The following SERPINI1 variants were observed in gnomAD, a reference collection of about 807,000 sequenced individuals.
The protein encoded by SERPINI1 is neuroserpin.
SERPINI1 carries 19 observed loss-of-function variants against 41.1 expected under a neutral mutation model. The observed-to-expected ratio is 0.46, with a 90% CI of 0.32 to 0.68. SERPINI1 has a LOEUF of 0.68. Ranked by LOEUF, SERPINI1 falls within the 30% of genes least tolerant of loss-of-function variation. SERPINI1 has a pLI of 0.03. For missense variants in SERPINI1, 460 were observed against 479.2 expected, an observed-to-expected ratio of 0.96 and a Z score of 0.37; for synonymous variants, 138 against 156.6, an observed-to-expected ratio of 0.88 and a Z score of 0.89.
intron 1 of SERPINI1, among the ~76,000 whole-genome samples, chr3:167,788,023 A>G (rs1445023793): frequency 2.0e-5 from 3 of 152,248 alleles, no homozygotes; most frequent in East Asian, 1.9e-4. Flanking sequence ...CATTTGCTCA[A>G]TATCACTTGA....
At chr3:167,753,148 G>C (rs1266439158) in intron 1 of SERPINI1, among the ~76,000 whole-genome samples, 2 of 152,018 alleles carry the variant, frequency 1.3e-5, no homozygotes, top group South Asian at 4.1e-4. Context: ...ATTGGATGTC[G>C]ATGCTTGAGG....
intron 5 of SERPINI1, among the ~76,000 whole-genome samples, chr3:167,802,007 G>C (rs889920020): frequency 2.0e-5 from 3 of 151,980 alleles, no homozygotes; most frequent in Non-Finnish European, 4.4e-5. Context: ...ACAAACCTGA[G>C]AAAAACAAGC....
intron 5 of SERPINI1, 25 bp from the exon 6 acceptor site, chr3:167,807,219 A>G (rs923196226): frequency 1.4e-6 from 2 of 1,470,840 alleles, no homozygotes; most frequent in African/African-American, 2.8e-5. Flanking sequence ...CTAACTAAAT[A>G]TTTTTCTCCC....
At chr3:167,748,940 TGAA>T (rs1725955537) in intron 1 of SERPINI1, among the ~76,000 whole-genome samples, 1 of 152,052 alleles carries the variant, frequency 6.6e-6, no homozygotes, top group African/African-American at 2.4e-5. Context: ...GAGAAACTGA[TGAA>T]GAGGAGTAAG....
At chr3:167,787,774 G>A (rs2108555435) in intron 1 of SERPINI1, among the ~76,000 whole-genome samples, 1 of 152,262 alleles carries the variant, frequency 6.6e-6, no homozygotes, top group South Asian at 2.1e-4. Flanking sequence ...GAGGACGTTG[G>A]AACTTTTCAG....
At chr3:167,823,335 A>AT (rs1209541047) in intron 7 of SERPINI1, among the ~76,000 whole-genome samples, 4 of 152,034 alleles carry the variant, frequency 2.6e-5, no homozygotes, top group East Asian at 1.9e-4. Flanking sequence ...GCGAAAATAG[A>AT]TTTTTTCTGC....
At position 167,789,378 on chromosome 3, in the gene SERPINI1, G is replaced by A; in HGVS notation, c.250G>A (p.Gly84Ser). 3.1e-6 allele frequency: 5 copies of A among 1,613,920 alleles called. No homozygotes were observed. The highest frequency in any genetic ancestry group is 4.2e-6 in the Non-Finnish European group (5 of 1,179,864). ...HSMGYDSLKN[G>S]EEFSFLKEFS... ...AATGGGATATGACAGCCTAAAAAAT[G>A]GTAAGAGTGATCAGGTTTGATTTCT... Residue 84 changes from glycine (G) to serine (S), a missense_variant and splice_region_variant, in exon 2 of 9, where the codon GGT (glycine) becomes AGT (serine). Physicochemically the swap from Gly to Ser is moderately conservative, Grantham distance 56. Transcript: ENST00000446050.
At position 167,792,574 on chromosome 3, in the gene SERPINI1, AT is replaced by A; in HGVS notation, c.482-10del. Reference sequence around the variant, plus strand: ...GTTTAACATGAATTTTTATCTATTCATTTTTTCCTAAATAGATCTGGTGAAA... The same window carrying A: ...GTTTAACATGAATTTTTATCTATTCATTTTTCCTAAATAGATCTGGTGAAA... On this transcript the variant is annotated splice_polypyrimidine_tract_variant and intron_variant, in intron 3 of 8. Transcript: ENST00000446050. 1 of 1,609,918 alleles carries A rather than the reference AT, an allele frequency of 6.2e-7. No homozygotes were observed. Among genetic ancestry groups the A allele is most frequent in the Non-Finnish European group, 8.5e-7 (1 of 1,177,260 alleles).
At chr3:167,817,976 A>C (rs1712172901) in intron 6 of SERPINI1, among the ~76,000 whole-genome samples, 1 of 152,068 alleles carries the variant, frequency 6.6e-6, no homozygotes, top group Admixed American at 6.5e-5. Context: ...TATTCGCATA[A>C]AAAAGAACAA....
chr3:167,758,030 G>A (rs1292708956), intron 1 of SERPINI1, among the ~76,000 whole-genome samples: 1 of 152,190 alleles, frequency 6.6e-6, no homozygotes, highest in Non-Finnish European at 1.5e-5. Flanking sequence ...TCTGATTTAT[G>A]TAACACAAAT....
At chr3:167,817,038 G>C (rs1219713351) in intron 6 of SERPINI1, among the ~76,000 whole-genome samples, 1 of 151,818 alleles carries the variant, frequency 6.6e-6, no homozygotes, top group Non-Finnish European at 1.5e-5. Flanking sequence ...TGAGGTGAGA[G>C]GGAGAGCAAG....
intron 6 of SERPINI1, among the ~76,000 whole-genome samples, chr3:167,807,640 G>C (rs991198853): frequency 6.6e-6 from 1 of 152,046 alleles, no homozygotes; most frequent in Non-Finnish European, 1.5e-5. Context: ...TGTAGAATAG[G>C]TAATCAATAA....
At chr3:167,757,429 A>G (rs923135274) in intron 1 of SERPINI1, among the ~76,000 whole-genome samples, 1 of 152,230 alleles carries the variant, frequency 6.6e-6, no homozygotes, top group Non-Finnish European at 1.5e-5. Context: ...TATACAAATC[A>G]TAATGAACGT....
chr3:167,822,859 T>A, intron 6 of SERPINI1, 127 bp from the exon 7 acceptor site: 1 of 655,472 alleles, frequency 1.5e-6, no homozygotes, highest in Non-Finnish European at 2.8e-6. Context: ...TGAAATCTTT[T>A]AACATTATCT....
intron 1 of SERPINI1, among the ~76,000 whole-genome samples, chr3:167,767,284 G>A (rs1726597114): frequency 6.6e-6 from 1 of 152,154 alleles, no homozygotes; most frequent in South Asian, 2.1e-4. Context: ...CTGTTTTGCA[G>A]CATGACTTAG....
At chr3:167,775,427 T>A (rs1560003764) in intron 1 of SERPINI1, among the ~76,000 whole-genome samples, 1 of 151,590 alleles carries the variant, frequency 6.6e-6, no homozygotes, top group Non-Finnish European at 1.5e-5. Context: ...GCCCGGCTAA[T>A]TTTTGTATTT....
intron 1 of SERPINI1, among the ~76,000 whole-genome samples, chr3:167,759,825 G>T (rs1726321798): frequency 6.6e-6 from 1 of 152,080 alleles, no homozygotes; most frequent in African/African-American, 2.4e-5. Context: ...GTAAAAAAAA[G>T]CCATAAATAA....
At chr3:167,741,087 A>G (rs977272169) in intron 1 of SERPINI1, among the ~76,000 whole-genome samples, 1 of 152,112 alleles carries the variant, frequency 6.6e-6, no homozygotes. Flanking sequence ...GAGACTTGGC[A>G]TTGACAGTGC....
intron 1 of SERPINI1, among the ~76,000 whole-genome samples, chr3:167,741,622 A>C (rs965583165): frequency 2.6e-5 from 4 of 152,220 alleles, no homozygotes; most frequent in African/African-American, 7.2e-5. Context: ...GTGGTGTATA[A>C]TTTTTGCCTT....
Sources: allele counts gnomAD v4.1 joint callset (sites outside exome capture counted in the v4.1 genomes callset), GRCh38; gene constraint gnomAD v4.1.1; transcripts MANE v1.5; gene names NCBI Gene and HGNC (gene_info 2026-07-23, HGNC 2026-07-21).